Variants in SPATA6L observed in about 807,000 individuals in gnomAD.
SPATA6L encodes the protein spermatogenesis associated 6 like, also known as spermatogenesis associated 6-like protein.
Under a neutral mutation model 49.2 loss-of-function variants are expected in SPATA6L, and 68 were observed. The observed-to-expected ratio is 1.38, with a 90% CI of 1.14 to 1.69. SPATA6L has a LOEUF of 1.69. SPATA6L is among the 40% of genes most tolerant of loss of function. SPATA6L has a pLI of 0.00. For synonymous variants in SPATA6L, 198 were observed against 165.7 expected (o/e 1.19, Z -1.50); for missense variants, 668 against 464.3 (o/e 1.44, Z -4.03).
intron 9 of SPATA6L, among the ~76,000 whole-genome samples, chr9:4,612,861 T>G (rs1827100759): frequency 6.6e-6 from 1 of 152,180 alleles, no homozygotes; most frequent in African/African-American, 2.4e-5. Flanking sequence ...GAGGTATAAC[T>G]AAGCTGAAAG....
chr9:4,645,069 T>C (rs1006906358), intron 3 of SPATA6L, among the ~76,000 whole-genome samples: 1 of 152,228 alleles, frequency 6.6e-6, no homozygotes, highest in Non-Finnish European at 1.5e-5. Context: ...CCTGTATTTA[T>C]GAATAACGAA....
chr9:4,656,358 G>C (rs1211580243), intron 2 of SPATA6L, among the ~76,000 whole-genome samples: 1 of 151,986 alleles, frequency 6.6e-6, no homozygotes, highest in African/African-American at 2.4e-5. Context: ...AGGGTCACTT[G>C]AGCACAGGAG....
intron 3 of SPATA6L, among the ~76,000 whole-genome samples, chr9:4,637,552 A>C (rs1833052205): frequency 1.3e-5 from 2 of 152,238 alleles, no homozygotes; most frequent in Admixed American, 1.3e-4. Context: ...AACTCAGAGC[A>C]GTTCAATCAA....
rs145207221 is a variant in SPATA6L at position 4,619,792 on chromosome 9, G to A, written c.773-894C>T. ...CACTATCATGACCATAAATGATCAT[G>A]ATAGGCAAGCAGACCTAATGCCGAA... On this transcript the variant is annotated intron_variant, in intron 7 of 11. Coordinates refer to ENST00000682582, the MANE Select transcript of SPATA6L (RefSeq NM_001353486.2). 2.0e-3 allele frequency among the ~76,000 whole-genome samples: 301 copies of A among 152,258 alleles called. 3 individuals are homozygous for A. Among genetic ancestry groups the A allele is most frequent in the African/African-American group, 7.0e-3 (291 of 41,538 alleles).
At chr9:4,659,896 A>C (rs947109647) in intron 2 of SPATA6L, among the ~76,000 whole-genome samples, 43 of 152,302 alleles carry the variant, frequency 2.8e-4, no homozygotes, top group Non-Finnish European at 4.7e-4. Context: ...ACCATCTGAT[A>C]TTTGACAAAC....
rs777547236 is a variant in SPATA6L at position 4,662,372 on chromosome 9, T to A, written c.40-336A>T. Reference sequence around the variant, plus strand: ...AGGTCCCGGGATCCGGGCCGCCAGCTGCGATGCCAAGTCCCCGGAGGAGCA... The same window carrying A: ...AGGTCCCGGGATCCGGGCCGCCAGCAGCGATGCCAAGTCCCCGGAGGAGCA... On this transcript the variant is annotated intron_variant, in intron 1 of 11. Transcript: ENST00000682582. This position sits in a 1 kb window ranked among gnomAD's most constrained non-coding sequence, Gnocchi z 4.9. 12 of 1,507,270 alleles carry A rather than the reference T, an allele frequency of 8.0e-6. No homozygotes were observed. In the South Asian group the frequency reaches 1.5e-4, roughly 19 times the overall value. 93.4% of individuals were successfully genotyped at this position (1,507,270 alleles called of 1,614,324 possible).
In SPATA6L at chr9:4,599,087, C is replaced by T. The variant is rs530212492; in HGVS notation, c.*1724G>A. Among the ~76,000 whole-genome samples the T allele has an allele frequency of 3.2e-4, 48 of 152,336 alleles. No individual in the cohort carries two copies. Among genetic ancestry groups the T allele is most frequent in the African/African-American group, 1.1e-3 (47 of 41,586 alleles). ...ACGAAATTCATTTACGTTTTATATA[C>T]ACTTTATACAGGTAGCCTGAAGGTA... is the stretch of plus-strand genomic sequence containing the variant. On this transcript the variant is annotated 3_prime_UTR_variant, in exon 12 of 12. Transcript: ENST00000682582.
intron 4 of SPATA6L, among the ~76,000 whole-genome samples, chr9:4,629,935 A>G (rs1409153877): frequency 6.6e-6 from 1 of 151,956 alleles, no homozygotes; most frequent in Admixed American, 6.6e-5. Flanking sequence ...GAACAGATGA[A>G]CTGTGGTGTA....
At chr9:4,619,084 G>A (rs1026192920) in intron 7 of SPATA6L, among the ~76,000 whole-genome samples, 186 bp from the exon 8 acceptor site, 10 of 151,848 alleles carry the variant, frequency 6.6e-5, no homozygotes, top group East Asian at 1.9e-4. Flanking sequence ...TCAATTCTCC[G>A]GGTTGTGGGG....
intron 3 of SPATA6L, among the ~76,000 whole-genome samples, chr9:4,642,402 C>T (rs76476568): frequency 0.077 from 11,711 of 152,256 alleles, 782 homozygotes; most frequent in African/African-American, 0.17. Flanking sequence ...GAAAAGTAGT[C>T]AGGAGGCACC....
At position 4,662,193 on chromosome 9, in the gene SPATA6L, T is replaced by C. The variant is rs190867039; in HGVS notation, c.40-157A>G. 5,398 of 1,439,720 alleles carry C rather than the reference T, an allele frequency of 3.7e-3. 35 individuals are homozygous for C. Among genetic ancestry groups the C allele is most frequent in the Middle Eastern group, 0.012 (52 of 4,192 alleles). The allele number at this position is 1,439,720 out of a possible 1,614,324, so 89.2% of individuals were successfully genotyped here. On this transcript the variant is annotated intron_variant, in intron 1 of 11. Coordinates refer to ENST00000682582, the MANE Select transcript of SPATA6L (RefSeq NM_001353486.2). This position sits in a 1 kb window ranked among gnomAD's most constrained non-coding sequence, Gnocchi z 4.9. ...ACCTCCCAACGCCAACATCCTCCCC[T>C]CTGCTCTCCTCACATTGGAAATTCC...
intron 1 of SPATA6L, chr9:4,663,014 C>G (rs1462894750): frequency 1.2e-6 from 2 of 1,613,784 alleles, no homozygotes; most frequent in Admixed American, 3.3e-5. Context: ...TCCCCTCGGG[C>G]CATGCCACAA....
chr9:4,636,160 G>A lies in SPATA6L; in HGVS notation c.227-761C>T, dbSNP rs375469800. On this transcript the variant is annotated intron_variant, in intron 3 of 11. Transcript: ENST00000682582. ...AATACACTGAATTTTTCCAAGTACCGTGTAAATCAAGGAACAATTGTATTT... is the reference window on the plus strand; with the variant it reads ...AATACACTGAATTTTTCCAAGTACCATGTAAATCAAGGAACAATTGTATTT... Among the ~76,000 whole-genome samples the A allele has an allele frequency of 2.0e-5, 3 of 151,170 alleles. No individual in the cohort carries two copies. In the South Asian group the frequency reaches 6.3e-4, roughly 32 times the overall value.
At chr9:4,605,814 T>C (rs1396621365) in intron 9 of SPATA6L, among the ~76,000 whole-genome samples, 4 of 152,342 alleles carry the variant, frequency 2.6e-5, no homozygotes, top group South Asian at 2.1e-4. Context: ...AGAGCCAAGA[T>C]GGCCGAATAG....
Position 4,600,633 on chromosome 9 carries a change from C to CAGTTG in SPATA6L, c.*177_*178insCAACT, listed in dbSNP as rs1823008735. On this transcript the variant is annotated 3_prime_UTR_variant, in exon 12 of 12. Transcript: ENST00000682582. ...AATGTTAGCCCCCAAACAGCAAACACTTTAATCAACAACTCTTACCTGGGC... is the reference window on the plus strand; with the variant it reads ...AATGTTAGCCCCCAAACAGCAAACACAGTTGTTTAATCAACAACTCTTACCTGGGC... The CAGTTG allele has an allele frequency of 1.3e-5, 2 of 152,176 alleles. No individual in the cohort carries two copies. The highest frequency in any genetic ancestry group is 2.4e-5 in the African/African-American group (1 of 41,442). 9.4% of individuals were successfully genotyped at this position (152,176 alleles called of 1,614,324 possible). A position where few individuals can be genotyped will look rare whatever the true frequency, so the allele number is the denominator to read the frequency against.
At chr9:4,602,285 C>T (rs569693927) in intron 11 of SPATA6L, among the ~76,000 whole-genome samples, 16 of 152,118 alleles carry the variant, frequency 1.1e-4, no homozygotes, top group African/African-American at 3.6e-4. Context: ...GGCTATGTTC[C>T]GTATAACCAC....
intron 11 of SPATA6L, among the ~76,000 whole-genome samples, chr9:4,602,914 G>A (rs181627976): frequency 6.6e-6 from 1 of 152,142 alleles, no homozygotes; most frequent in Admixed American, 6.5e-5. Context: ...AATTAGATAT[G>A]AATTTGTTTA....
chr9:4,666,138 G>T, intron 1 of SPATA6L, 74 bp downstream of exon 1: 2 of 1,369,030 alleles, frequency 1.5e-6, no homozygotes, highest in Non-Finnish European at 2.1e-6. Flanking sequence ...TGTGGGGGAG[G>T]GTTGTTGAAA....
At chr9:4,596,628 A>G (rs938467284), downstream of SPATA6L, 8 of 152,208 alleles carry the variant, frequency 5.3e-5, no homozygotes, top group African/African-American at 1.7e-4. Flanking sequence ...AATGACAGGA[A>G]ATACGAGCAG....
Sources: gnomAD v4.1 joint callset for allele counts (sites outside exome capture counted in the v4.1 genomes callset) on GRCh38, gnomAD v4.1.1 for gene constraint, Gnocchi (gnomAD v3.1) non-coding constraint, MANE v1.5 for transcripts, NCBI Gene and HGNC (gene_info 2026-07-23, HGNC 2026-07-21) for gene names.